Variants in SSBP2 observed in about 807,000 individuals in gnomAD.
The protein encoded by SSBP2 is single stranded DNA binding protein 2.
In SSBP2, 17 loss-of-function variants were observed where a neutral mutation model predicts 61.8. The ratio of observed to expected loss-of-function variants is 0.28; its 90% CI spans 0.19 to 0.41. The LOEUF is 0.41. SSBP2 is among the 10% of genes least tolerant of loss of function. The pLI is 1.00. For synonymous variants in SSBP2, 139 were observed against 141.3 expected (o/e 0.98, Z 0.12); for missense variants, 310 against 458.7 (o/e 0.68, Z 2.96).
At chr5:81,705,875 AAC>A (rs1754344193) in intron 1 of SSBP2, among the ~76,000 whole-genome samples, 1 of 152,230 alleles carries the variant, frequency 6.6e-6, no homozygotes, top group Admixed American at 6.5e-5. Context: ...GAGGAAAGAG[AAC>A]ACACATACAC....
intron 15 of SSBP2, among the ~76,000 whole-genome samples, chr5:81,434,491 T>C (rs1458939174): frequency 2.6e-5 from 4 of 152,046 alleles, no homozygotes; most frequent in African/African-American, 9.6e-5. Context: ...ACTCCGTCTC[T>C]ACAGGCACAT....
intron 4 of SSBP2, among the ~76,000 whole-genome samples, chr5:81,588,030 T>C (rs61278126): frequency 6.6e-6 from 1 of 152,138 alleles, no homozygotes; most frequent in Non-Finnish European, 1.5e-5. Flanking sequence ...AGTGGCACAA[T>C]CACAGTTCAC....
At chr5:81,717,916 C>T in intron 1 of SSBP2, among the ~76,000 whole-genome samples, 1 of 152,120 alleles carries the variant, frequency 6.6e-6, no homozygotes, top group East Asian at 1.9e-4. Context: ...ATGGAGGATA[C>T]ATGGTTGTGG....
intron 10 of SSBP2, among the ~76,000 whole-genome samples, chr5:81,454,103 A>C (rs1039683829): frequency 6.6e-6 from 1 of 152,192 alleles, no homozygotes; most frequent in Admixed American, 6.5e-5. Context: ...TTAAAAAGAC[A>C]GGCCAAGGAA....
intron 1 of SSBP2, among the ~76,000 whole-genome samples, chr5:81,709,077 A>G (rs1390208174): frequency 1.3e-5 from 2 of 152,014 alleles, no homozygotes; most frequent in African/African-American, 2.4e-5. Flanking sequence ...AAAAGACTCA[A>G]AAAGTCTTTA....
At chr5:81,488,085 TAC>T (rs1280547601) in intron 6 of SSBP2, among the ~76,000 whole-genome samples, 1 of 126,424 alleles carries the variant, frequency 7.9e-6, no homozygotes, top group African/African-American at 2.6e-5. Flanking sequence ...ATTATATATA[TAC>T]ACACACACAC....
At chr5:81,632,425 T>C (rs113167858) in intron 3 of SSBP2, among the ~76,000 whole-genome samples, 13 of 152,332 alleles carry the variant, frequency 8.5e-5, no homozygotes, top group African/African-American at 2.9e-4. Context: ...TAATCTAGGT[T>C]CCAAAAATTG....
intron 4 of SSBP2, among the ~76,000 whole-genome samples, chr5:81,523,229 G>T (rs1024123976): frequency 1.3e-5 from 2 of 151,988 alleles, no homozygotes; most frequent in Admixed American, 1.3e-4. Flanking sequence ...AAAGGACTCT[G>T]ATAAAAACAA....
chr5:81,520,026 C>T (rs1769345985), intron 4 of SSBP2, among the ~76,000 whole-genome samples: 1 of 151,188 alleles, frequency 6.6e-6, no homozygotes, highest in Admixed American at 6.6e-5. Context: ...ACTCTGTTGC[C>T]CAGGCTGGAG....
chr5:81,432,645 C>T lies in SSBP2; in HGVS notation c.958-3962G>A, dbSNP rs185758845. Among the ~76,000 whole-genome samples, 7 of 152,246 alleles carry T rather than the reference C, an allele frequency of 4.6e-5. No individual in the cohort carries two copies. The East Asian group carries it at 1.4e-3, about 29-fold the overall frequency. On this transcript the variant is annotated intron_variant, in intron 15 of 16. Transcript: ENST00000320672. ...CCTGTAATCCCAGCTACTCGGGAGG[C>T]TGAGGCAGGAGAATTTCTTGAACCT...
intron 2 of SSBP2, among the ~76,000 whole-genome samples, chr5:81,643,727 C>T (rs549983764): frequency 7.9e-5 from 12 of 150,964 alleles, no homozygotes; most frequent in African/African-American, 2.9e-4. Flanking sequence ...CTCAGCCTCC[C>T]GAGTAGCTGG....
chr5:81,543,035 A>T (rs947808943), intron 4 of SSBP2, among the ~76,000 whole-genome samples: 4 of 151,956 alleles, frequency 2.6e-5, no homozygotes, highest in Non-Finnish European at 5.9e-5. Flanking sequence ...TTGTATTTTT[A>T]GTAGAGACGG....
intron 12 of SSBP2, among the ~76,000 whole-genome samples, chr5:81,444,398 C>T (rs1032567499): frequency 2.0e-5 from 3 of 152,180 alleles, no homozygotes; most frequent in Non-Finnish European, 4.4e-5. Context: ...TTATGTCTTC[C>T]ATGAGGTTTT....
intron 4 of SSBP2, among the ~76,000 whole-genome samples, chr5:81,548,055 G>GT (rs1356491244): frequency 1.3e-5 from 2 of 152,144 alleles, no homozygotes; most frequent in Non-Finnish European, 2.9e-5. Context: ...AACTTAAAGT[G>GT]TAATAAAAAA....
chr5:81,698,700 C>G (rs1484084626), intron 1 of SSBP2, among the ~76,000 whole-genome samples: 1 of 152,006 alleles, frequency 6.6e-6, no homozygotes, highest in Non-Finnish European at 1.5e-5. Flanking sequence ...CCCAGCTACT[C>G]GGGAGGCTGA....
chr5:81,514,287 G>A (rs1217682811), intron 4 of SSBP2, among the ~76,000 whole-genome samples: 1 of 151,522 alleles, frequency 6.6e-6, no homozygotes, highest in Non-Finnish European at 1.5e-5. Context: ...AGTAAATAAG[G>A]GATTGAATAG....
At chr5:81,593,498 A>G (rs1030235233) in intron 4 of SSBP2, among the ~76,000 whole-genome samples, 1 of 152,186 alleles carries the variant, frequency 6.6e-6, no homozygotes, top group Non-Finnish European at 1.5e-5. Context: ...GAACGCCACA[A>G]AGATACTCCT....
At chr5:81,500,029 C>G (rs1286742502) in intron 5 of SSBP2, among the ~76,000 whole-genome samples, 2 of 152,158 alleles carry the variant, frequency 1.3e-5, no homozygotes, top group Non-Finnish European at 1.5e-5. Context: ...GTTAAAGAAA[C>G]TGGCCTATGG....
chr5:81,552,457 G>C (rs1772271513), intron 4 of SSBP2, among the ~76,000 whole-genome samples: 1 of 151,922 alleles, frequency 6.6e-6, no homozygotes, highest in Admixed American at 6.6e-5. Flanking sequence ...TGACCAACAT[G>C]GTAAAACCCT....
Sources: gnomAD v4.1 joint callset for allele counts (sites outside exome capture counted in the v4.1 genomes callset) on GRCh38, gnomAD v4.1.1 for gene constraint, MANE v1.5 for transcripts, NCBI Gene and HGNC (gene_info 2026-07-23, HGNC 2026-07-21) for gene names.